Variants in MUC12 observed in about 807,000 individuals in gnomAD.
The protein encoded by MUC12 is mucin 12, cell surface associated.
MUC12 carries 172 observed loss-of-function variants against 230.8 expected under a neutral mutation model. The ratio of observed to expected loss-of-function variants is 0.75; its 90% CI spans 0.66 to 0.85. MUC12 has a LOEUF of 0.85. MUC12 is among the 40% of genes least tolerant of loss of function. MUC12 has a pLI of 0.00. For synonymous variants in MUC12, 1,259 were observed against 2,401.9 expected (o/e 0.52, Z 13.91); for missense variants, 3,506 against 5,920.6 (o/e 0.59, Z 13.38).
rs185526172 is a variant in MUC12, at chr7:100,984,865, T to C, written c.68-5766T>C. Among the ~76,000 whole-genome samples, 3 of 152,232 alleles carry C rather than the reference T, an allele frequency of 2.0e-5. No individual in the cohort carries two copies. The East Asian group carries it at 5.8e-4, about 29-fold the overall frequency. On this transcript the variant is annotated intron_variant, in intron 1 of 11. Coordinates refer to ENST00000536621, the MANE Select transcript of MUC12 (RefSeq NM_001164462.2). Reference sequence around the variant, plus strand: ...GGTCTGGATCTTGCTGGCCGTGGGATCTCCTTTTTATTTTTTTGGGATGGA... The same window carrying C: ...GGTCTGGATCTTGCTGGCCGTGGGACCTCCTTTTTATTTTTTTGGGATGGA...
Position 101,008,514 on chromosome 7 carries a change from C to T in MUC12, c.15059-120C>T, listed in dbSNP as rs941757402. The stretch of plus-strand genomic sequence containing the variant: ...GGTTTTGGGAGACAGGGAACAGTGA[C>T]CCCACCTTCCTCTTAAGTTTCTTTC... On this transcript the variant is annotated intron_variant, in intron 3 of 11. Coordinates refer to ENST00000536621, the MANE Select transcript of MUC12 (RefSeq NM_001164462.2). 37 of 1,347,242 alleles carry T rather than the reference C, an allele frequency of 2.7e-5. No homozygotes were observed. In the African/African-American group the frequency reaches 5.3e-4, roughly 19 times the overall value. The allele number at this position is 1,347,242 out of a possible 1,614,324, so 83.5% of individuals were successfully genotyped here. A position where few individuals can be genotyped will look rare whatever the true frequency, so the allele number is the denominator to read the frequency against.
In MUC12 at chr7:100,971,782, C is replaced by A. The variant is rs147091480; in HGVS notation, c.67+2093C>A. 1.2e-4 allele frequency among the ~76,000 whole-genome samples: 19 copies of A among 152,416 alleles called. No individual in the cohort carries two copies. The East Asian group carries it at 3.7e-3, about 29-fold the overall frequency. On this transcript the variant is annotated intron_variant, in intron 1 of 11. Transcript: ENST00000536621. The stretch of plus-strand genomic sequence containing the variant: ...TCCCTGCTCCCAAGGCCTGGCCTAG[C>A]AGATCTCTGTAGTCAGATTATTCAA...
At position 101,017,625 on chromosome 7, in the gene MUC12, T is replaced by G. The variant is rs1312646364; in HGVS notation, c.15928T>G (p.Phe5310Val). The part of the protein sequence containing the change: ...RFGLENAYNN[F>V]RPTLETVDSG... ...CGGCCTTGAGAACGCCTACAACAAC[T>G]TCCGGCCCACCCTGGAGACTGTTGA... The change falls in exon 11 of 12, where the codon TTC (phenylalanine) becomes GTC (valine). Residue 5310 changes from phenylalanine (F) to valine (V), a missense_variant. Transcript: ENST00000536621. The G allele has an allele frequency of 1.3e-6, 2 of 1,535,730 alleles. No individual in the cohort carries two copies. The highest frequency in any genetic ancestry group is 2.7e-5 in the African/African-American group (2 of 72,778).
At chr7:100,981,067 C>A (rs1793097589) in intron 1 of MUC12, among the ~76,000 whole-genome samples, 2 of 152,232 alleles carry the variant, frequency 1.3e-5, no homozygotes. Context: ...GGACGTCTAT[C>A]TTTGACTGAC....
intron 1 of MUC12, among the ~76,000 whole-genome samples, chr7:100,984,427 T>G (rs1793157656): frequency 6.6e-6 from 1 of 151,948 alleles, no homozygotes; most frequent in African/African-American, 2.4e-5. Context: ...CGGCTAATTT[T>G]TATATTTTTA....
chr7:100,977,765 G>A (rs1793055207), intron 1 of MUC12, among the ~76,000 whole-genome samples: 1 of 151,098 alleles, frequency 6.6e-6, no homozygotes, highest in South Asian at 2.1e-4. Context: ...ACGGGGTCTT[G>A]CTATGTTGCC....
Position 101,005,226 on chromosome 7 carries a change from C to T in MUC12, c.14663C>T (p.Thr4888Ile). 1 of 1,537,900 alleles carries T rather than the reference C, an allele frequency of 6.5e-7. No individual in the cohort carries two copies. Among genetic ancestry groups the T allele is most frequent in the Non-Finnish European group, 8.7e-7 (1 of 1,147,054 alleles). The change falls in exon 2 of 12, where the codon ACT (threonine) becomes ATT (isoleucine). Residue 4888 changes from threonine to isoleucine, a missense_variant. Transcript: ENST00000536621. ...STPFPDSPGF[T>I]HTVLPATLTT... Reference sequence around the variant, plus strand: ...CCCTTCCCTGACAGCCCAGGCTTCACTCACACAGTGTTACCTGCCACCCTC... The same window carrying T: ...CCCTTCCCTGACAGCCCAGGCTTCATTCACACAGTGTTACCTGCCACCCTC...
chr7:100,985,493 C>A (rs1186779483), intron 1 of MUC12, among the ~76,000 whole-genome samples: 1 of 152,184 alleles, frequency 6.6e-6, no homozygotes. Context: ...GCAATCTAGT[C>A]CCCAGGCAAG....
chr7:100,981,362 T>G (rs4073078), intron 1 of MUC12: 44,055 of 635,732 alleles, frequency 0.069, 4,468 homozygotes, highest in East Asian at 0.47. Context: ...CCCTTGTCCC[T>G]CCTGCAGCGA....
At chr7:101,006,894 A>G (rs970319668) in intron 3 of MUC12, among the ~76,000 whole-genome samples, 6 of 152,206 alleles carry the variant, frequency 3.9e-5, no homozygotes, top group African/African-American at 1.4e-4. Flanking sequence ...AGAATGGGGT[A>G]CACATTCCCT....
intron 1 of MUC12, among the ~76,000 whole-genome samples, chr7:100,985,666 G>A (rs1284025034): frequency 1.3e-5 from 2 of 152,182 alleles, no homozygotes; most frequent in Non-Finnish European, 2.9e-5. Flanking sequence ...TTGCAAAGGC[G>A]GTTTCAGCTG....
chr7:100,991,074 C>G lies in MUC12; in HGVS notation c.511C>G (p.Arg171Gly). 1 of 1,537,528 alleles carries G rather than the reference C, an allele frequency of 6.5e-7. No homozygotes were observed. The highest frequency in any genetic ancestry group is 1.2e-5 in the South Asian group (1 of 84,038). The change falls in exon 2 of 12, where the codon CGA (arginine) becomes GGA (glycine). Residue 171 changes from arginine (R) to glycine (G), a missense_variant. Coordinates refer to ENST00000536621, the MANE Select transcript of MUC12 (RefSeq NM_001164462.2). ...VSEKSTTSHS[R>G]PGPTHTIAFP... ...TGAAAAATCAACCACCTCCCACAGC[C>G]GACCAGGCCCAACGCACACAATAGC...
chr7:101,011,531 C>A (rs1480952904), intron 5 of MUC12, among the ~76,000 whole-genome samples: 1 of 152,202 alleles, frequency 6.6e-6, no homozygotes, highest in Non-Finnish European at 1.5e-5. Flanking sequence ...AAGCCATCCT[C>A]CTGACGTAGC....
At chr7:100,980,450 T>C (rs1174207259) in intron 1 of MUC12, among the ~76,000 whole-genome samples, 1 of 152,252 alleles carries the variant, frequency 6.6e-6, no homozygotes, top group Non-Finnish European at 1.5e-5. Context: ...GGCTGATTAC[T>C]ATTCTGTTCT....
chr7:100,972,036 G>A, intron 1 of MUC12: 1 of 702,064 alleles, frequency 1.4e-6, no homozygotes, highest in South Asian at 1.5e-5. Flanking sequence ...GCAGAAGGGA[G>A]TGAGGCCAGG....
At chr7:100,986,060 C>G (rs11771829) in intron 1 of MUC12, among the ~76,000 whole-genome samples, 1 of 151,842 alleles carries the variant, frequency 6.6e-6, no homozygotes, top group East Asian at 1.9e-4. Flanking sequence ...AAAAGTCCAC[C>G]GACTTCAAAA....
chr7:100,970,517 GA>G (rs1441643872), intron 1 of MUC12, among the ~76,000 whole-genome samples: 4 of 145,032 alleles, frequency 2.8e-5, no homozygotes, highest in Non-Finnish European at 6.1e-5. Context: ...AAGAAAGAGA[GA>G]AATAAAGAAA....
Position 101,004,799 on chromosome 7 carries a change from A to G in MUC12, c.14236A>G (p.Arg4746Gly), listed in dbSNP as rs1383799845. 1 of 1,537,576 alleles carries G rather than the reference A, an allele frequency of 6.5e-7. No individual in the cohort carries two copies. The highest frequency in any genetic ancestry group is 8.7e-7 in the Non-Finnish European group (1 of 1,146,972). ...ATCTACCATCCTTTACAGTAGCTCC[A>G]GATCACCAGACCAAACACTCTCACC... Reference protein sequence around the residue: ...AKSTILYSSSRSPDQTLSPAS... With the variant: ...AKSTILYSSSGSPDQTLSPAS... The change falls in exon 2 of 12, where the codon AGA becomes GGA. Residue 4746 changes from arginine (R) to glycine (G), a missense_variant. Transcript: ENST00000536621.
Position 100,969,668 on chromosome 7 carries a change from T to G in MUC12, c.46T>G (p.Ser16Ala). 2.0e-6 allele frequency: 3 copies of G among 1,530,082 alleles called. No homozygotes were observed. Among genetic ancestry groups the G allele is most frequent in the Non-Finnish European group, 2.6e-6 (3 of 1,144,480 alleles). 94.8% of individuals were successfully genotyped at this position (1,530,082 alleles called of 1,614,324 possible). The change falls in exon 1 of 12, where the codon TCC becomes GCC. Residue 16 changes from serine to alanine, a missense_variant. Ser to Ala is a moderately conservative substitution (Grantham distance 99, BLOSUM62 1). Coordinates refer to ENST00000536621, the MANE Select transcript of MUC12 (RefSeq NM_001164462.2). ...ILTLALRLCASVTTVTPGSTV... is the reference protein window; with the variant it reads ...ILTLALRLCAAVTTVTPGSTV... ...GACGCTGGCTCTCCGGCTCTGCGCG[T>G]CCGTTACTACAGTGACACCAGGTGA...
Sources: gnomAD v4.1 joint callset for allele counts (sites outside exome capture counted in the v4.1 genomes callset) on GRCh38, gnomAD v4.1.1 for gene constraint, MANE v1.5 for transcripts, NCBI Gene and HGNC (gene_info 2026-07-23, HGNC 2026-07-21) for gene names.